VPS13B: variants seen among roughly 807,000 people sequenced by gnomAD.
The protein encoded by VPS13B is vacuolar protein sorting 13 homolog B, also known as intermembrane lipid transfer protein VPS13B.
In VPS13B, 285 loss-of-function variants were observed where a neutral mutation model predicts 426.4. The observed-to-expected ratio is 0.67, with a 90% CI of 0.61 to 0.74. VPS13B has a LOEUF of 0.74. Among genes scored for constraint, VPS13B ranks in the 30% least tolerant of loss-of-function variants. The probability of loss-of-function intolerance (pLI) is 0.00; values close to 1 mark genes in which losing one functional copy is unlikely to be tolerated. For synonymous variants in VPS13B, 1,676 were observed against 1,676.4 expected (o/e 1.00, Z 0.01); for missense variants, 4,537 against 4,782.6 (o/e 0.95, Z 1.51).
intron 17 of VPS13B, among the ~76,000 whole-genome samples, chr8:99,251,577 A>G (rs932150485): frequency 5.9e-5 from 9 of 152,042 alleles, no homozygotes; most frequent in African/African-American, 2.2e-4. Flanking sequence ...GCTGAATTCT[A>G]TTTTTAATAT....
At chr8:99,232,271 C>G (rs1816369634) in intron 17 of VPS13B, among the ~76,000 whole-genome samples, 1 of 151,882 alleles carries the variant, frequency 6.6e-6, no homozygotes, top group Non-Finnish European at 1.5e-5. Context: ...AGTTTAAAAC[C>G]CATGAAGCAA....
In VPS13B at chr8:99,511,432, A is replaced by G; in HGVS notation, c.4553A>G (p.Asn1518Ser). The change falls in exon 29 of 62, where the codon AAT (asparagine) becomes AGT (serine). Residue 1518 changes from asparagine (N) to serine (S), a missense_variant. Around this residue, in one of 2 missense-constraint regions of VPS13B, gnomAD observed 4,311 missense variants for 4,474.3 expected, o/e 0.96. Coordinates refer to ENST00000357162, the MANE Select transcript of VPS13B (RefSeq NM_152564.5). ...AGGACCCATACACTGACATCCCGCA[A>G]TTTACCTTTGATTTATGTCAACACA... ...PMRTHTLTSR[N>S]LPLIYVNTSV... 4.3e-6 allele frequency: 7 copies of G among 1,613,416 alleles called. No homozygotes were observed. Among genetic ancestry groups the G allele is most frequent in the Non-Finnish European group, 5.9e-6 (7 of 1,179,894 alleles).
chr8:99,078,985 T>A (rs1351570919), intron 3 of VPS13B, among the ~76,000 whole-genome samples: 1 of 152,034 alleles, frequency 6.6e-6, no homozygotes, highest in Non-Finnish European at 1.5e-5. Flanking sequence ...AGATTCATCC[T>A]CAGGCTGCTG....
intron 17 of VPS13B, among the ~76,000 whole-genome samples, chr8:99,238,739 G>A (rs1388682526): frequency 2.0e-5 from 3 of 151,928 alleles, no homozygotes; most frequent in Non-Finnish European, 2.9e-5. Flanking sequence ...AGCATTACGT[G>A]CAAAACATGT....
rs140795320 is a variant in VPS13B, at chr8:99,686,559, G to A, written c.6047-12966G>A. Among the ~76,000 whole-genome samples the A allele has an allele frequency of 2.2e-3, 336 of 152,006 alleles. 3 individuals are homozygous for A. The highest frequency in any genetic ancestry group is 7.9e-3 in the African/African-American group (328 of 41,348). ...CTACTGAGAATGAGCTGGCACCCAA[G>A]CCACACACAAGAAAAAGTCCTTCCC... On this transcript the variant is annotated intron_variant, in intron 35 of 61. Coordinates refer to ENST00000357162, the MANE Select transcript of VPS13B (RefSeq NM_152564.5).
intron 13 of VPS13B, among the ~76,000 whole-genome samples, chr8:99,144,234 G>A (rs560650102): frequency 6.6e-6 from 1 of 152,128 alleles, no homozygotes; most frequent in East Asian, 1.9e-4. Context: ...ACTCATACCT[G>A]TAATCCCAGT....
At chr8:99,740,965 A>G (rs1162106994) in intron 39 of VPS13B, among the ~76,000 whole-genome samples, 6 of 152,180 alleles carry the variant, frequency 3.9e-5, no homozygotes, top group African/African-American at 1.4e-4. Context: ...TCAAATTCAC[A>G]CATAACAATA....
intron 3 of VPS13B, among the ~76,000 whole-genome samples, chr8:99,040,969 C>T (rs1248784381): frequency 6.6e-6 from 1 of 152,080 alleles, no homozygotes; most frequent in East Asian, 1.9e-4. Context: ...CTGTACTGCA[C>T]TGAAAAGCAT....
intron 19 of VPS13B, among the ~76,000 whole-genome samples, chr8:99,327,548 C>T (rs1018967337): frequency 3.3e-5 from 5 of 151,740 alleles, no homozygotes; most frequent in African/African-American, 9.7e-5. Context: ...GGAAAGAGCA[C>T]ATGGGGTTAA....
chr8:99,579,041 A>G (rs949764761), intron 33 of VPS13B, among the ~76,000 whole-genome samples: 1 of 152,140 alleles, frequency 6.6e-6, no homozygotes, highest in African/African-American at 2.4e-5. Flanking sequence ...CTTCTTAGAG[A>G]TCATATTACA....
chr8:99,490,814 A>G (rs1023802073), intron 25 of VPS13B, among the ~76,000 whole-genome samples: 2 of 151,928 alleles, frequency 1.3e-5, no homozygotes, highest in African/African-American at 4.8e-5. Flanking sequence ...TAGTCTTGCT[A>G]GTGGTCTATC....
chr8:99,592,323 C>T (rs1000687183), intron 33 of VPS13B, among the ~76,000 whole-genome samples: 3 of 152,142 alleles, frequency 2.0e-5, no homozygotes, highest in South Asian at 2.1e-4. Flanking sequence ...TCTGTCAGCT[C>T]GTCAAAGTCA....
intron 17 of VPS13B, among the ~76,000 whole-genome samples, chr8:99,201,129 C>T (rs1168733189): frequency 6.6e-6 from 1 of 151,554 alleles, no homozygotes. Flanking sequence ...TCTTTGTTTT[C>T]TCCATGCCTG....
At chr8:99,693,672 C>G (rs1360784132) in intron 35 of VPS13B, among the ~76,000 whole-genome samples, 2 of 116,134 alleles carry the variant, frequency 1.7e-5, no homozygotes, top group African/African-American at 3.4e-5. Context: ...TCCTATTCAA[C>G]ATAGTGTTGG....
rs150209278 is a variant in VPS13B at position 99,133,890 on chromosome 8, A to C, written c.1207-742A>C. On this transcript the variant is annotated intron_variant, in intron 8 of 61. Coordinates refer to ENST00000357162, the MANE Select transcript of VPS13B (RefSeq NM_152564.5). Reference sequence around the variant, plus strand: ...ATGAAAAATTTTGAACTATTGGGAGAATTACCAAAATGTGACACAGAAACA... The same window carrying C: ...ATGAAAAATTTTGAACTATTGGGAGCATTACCAAAATGTGACACAGAAACA... 4.4e-3 allele frequency among the ~76,000 whole-genome samples: 668 copies of C among 152,340 alleles called. 5 individuals are homozygous for C. Among genetic ancestry groups the C allele is most frequent in the Non-Finnish European group, 6.9e-3 (470 of 68,028 alleles).
intron 17 of VPS13B, among the ~76,000 whole-genome samples, chr8:99,195,676 A>G (rs191009175): frequency 6.6e-6 from 1 of 152,328 alleles, no homozygotes; most frequent in Admixed American, 6.5e-5. Context: ...AGTTTCTTCT[A>G]GTAGATTTAC....
intron 25 of VPS13B, among the ~76,000 whole-genome samples, chr8:99,485,073 C>T (rs1475154915): frequency 1.3e-5 from 2 of 152,302 alleles, no homozygotes; most frequent in Non-Finnish European, 2.9e-5. Context: ...GATTTACTCA[C>T]AACAGAGCAG....
chr8:99,608,560 T>G lies in VPS13B; in HGVS notation c.5220+30927T>G, dbSNP rs139475517. On this transcript the variant is annotated intron_variant, in intron 33 of 61. Coordinates refer to ENST00000357162, the MANE Select transcript of VPS13B (RefSeq NM_152564.5). Reference sequence around the variant, plus strand: ...TGACCTTTATTATATTCAAAGTTATTTAGTCATCACCACAATTTTGGAATA... The same window carrying G: ...TGACCTTTATTATATTCAAAGTTATGTAGTCATCACCACAATTTTGGAATA... 5.4e-3 allele frequency among the ~76,000 whole-genome samples: 822 copies of G among 152,296 alleles called. 8 individuals are homozygous for G. Among genetic ancestry groups the G allele is most frequent in the African/African-American group, 0.019 (791 of 41,556 alleles).
At chr8:99,347,055 A>AT (rs1364769499) in intron 19 of VPS13B, 2 of 154,122 alleles carry the variant, frequency 1.3e-5, no homozygotes, top group Admixed American at 1.3e-4. Flanking sequence ...GGCCAGGACA[A>AT]TGCCTGCCAT....
Sources: allele counts gnomAD v4.1 joint callset (sites outside exome capture counted in the v4.1 genomes callset), GRCh38; gene constraint gnomAD v4.1.1; regional missense constraint gnomAD v4.1.1; transcripts MANE v1.5; gene names NCBI Gene and HGNC (gene_info 2026-07-23, HGNC 2026-07-21).